Variants in DHRSX observed in about 807,000 individuals in gnomAD.
DHRSX encodes dehydrogenase/reductase X-linked.
DHRSX carries 31 observed loss-of-function variants against 34.0 expected under a neutral mutation model. The ratio of observed to expected loss-of-function variants is 0.91; its 90% CI spans 0.69 to 1.23. The LOEUF (loss-of-function observed/expected upper bound fraction) is 1.23, where lower values mean the gene tolerates loss of function less well. DHRSX is among the 50% of genes most tolerant of loss of function. The pLI, the probability that DHRSX is intolerant of heterozygous loss-of-function variation, is 0.00. For synonymous variants in DHRSX, 201 were observed against 183.8 expected (o/e 1.09, Z -0.76); for missense variants, 414 against 428.1 (o/e 0.97, Z 0.29).
chrX:2,421,376 T>A (rs1432560407), intron 2 of DHRSX, among the ~76,000 whole-genome samples: 1 of 152,122 alleles, frequency 6.6e-6, no homozygotes, highest in Non-Finnish European at 1.5e-5. Context: ...TGAGACGCTG[T>A]CTCAAAAATG....
chrX:2,231,791 TTC>T (rs928762552), intron 6 of DHRSX, among the ~76,000 whole-genome samples: 1 of 144,142 alleles, frequency 6.9e-6, no homozygotes, highest in African/African-American at 2.7e-5. Flanking sequence ...CCTCCTGTTT[TTC>T]TCTCTATCCC....
intron 3 of DHRSX, among the ~76,000 whole-genome samples, chrX:2,297,417 C>G (rs1245868460): frequency 6.6e-6 from 1 of 152,146 alleles, no homozygotes; most frequent in African/African-American, 2.4e-5. Flanking sequence ...GCCACCTTGC[C>G]TGGCCATCCT....
chrX:2,237,014 C>A (rs34756157), intron 6 of DHRSX, among the ~76,000 whole-genome samples: 122,669 of 151,538 alleles, frequency 0.81, 49,968 homozygotes, highest in East Asian at 0.95. Flanking sequence ...CATATCGAAA[C>A]CCCGTCTCTA....
chrX:2,367,263 T>C lies in DHRSX; in HGVS notation c.286+41482A>G, dbSNP rs1252075782. On this transcript the variant is annotated intron_variant, in intron 3 of 6. Coordinates refer to ENST00000334651, the MANE Select transcript of DHRSX (RefSeq NM_145177.3). ...GACCAGCCTGACCAACATGGTGAAATCCCGTCTCTACTAAAAATACAAAAA... is the reference window on the plus strand; with the variant it reads ...GACCAGCCTGACCAACATGGTGAAACCCCGTCTCTACTAAAAATACAAAAA... 7.9e-5 allele frequency among the ~76,000 whole-genome samples: 12 copies of C among 151,448 alleles called. No homozygotes were observed. In the South Asian group the frequency reaches 2.3e-3, roughly 29 times the overall value.
intron 1 of DHRSX, among the ~76,000 whole-genome samples, chrX:2,486,023 AG>A (rs1424307105): frequency 6.6e-6 from 1 of 151,502 alleles, no homozygotes; most frequent in Non-Finnish European, 1.5e-5. Flanking sequence ...TGAGGAAGAC[AG>A]GAAGAGAGGG....
chrX:2,377,950 G>A (rs1266501173), intron 3 of DHRSX, among the ~76,000 whole-genome samples: 5 of 152,156 alleles, frequency 3.3e-5, no homozygotes, highest in African/African-American at 1.2e-4. Flanking sequence ...ATGTTGGCCA[G>A]GATGGCCTCG....
intron 1 of DHRSX, among the ~76,000 whole-genome samples, chrX:2,442,041 A>G (rs1484122464): frequency 1.3e-5 from 2 of 152,162 alleles, no homozygotes; most frequent in Non-Finnish European, 2.9e-5. Context: ...GCCACTGTCA[A>G]TCAACATGTA....
chrX:2,459,867 GGAGGCT>G, intron 1 of DHRSX, among the ~76,000 whole-genome samples: 1 of 152,188 alleles, frequency 6.6e-6, no homozygotes, highest in African/African-American at 2.4e-5. Context: ...CAGCACTTTG[GGAGGCT>G]GAGGCAGGTG....
In DHRSX at chrX:2,442,769, G is replaced by A. The variant is rs776237101; in HGVS notation, c.110-17465C>T. On this transcript the variant is annotated intron_variant, in intron 1 of 6. Coordinates refer to ENST00000334651, the MANE Select transcript of DHRSX (RefSeq NM_145177.3). The stretch of plus-strand genomic sequence containing the variant: ...AAAAGTGTGACTTGTTAACTGCCAC[G>A]TAGAAGCTCTCAGGAATATTCCCTT... 2.6e-5 allele frequency among the ~76,000 whole-genome samples: 4 copies of A among 152,238 alleles called. No homozygotes were observed. The South Asian group carries it at 8.3e-4, about 32-fold the overall frequency.
At chrX:2,475,179 C>G (rs1425722380) in intron 1 of DHRSX, among the ~76,000 whole-genome samples, 1 of 151,766 alleles carries the variant, frequency 6.6e-6, no homozygotes, top group Non-Finnish European at 1.5e-5. Flanking sequence ...GGGACCTCCG[C>G]CATGTGCACA....
intron 1 of DHRSX, among the ~76,000 whole-genome samples, chrX:2,442,291 C>T (rs989742545): frequency 3.3e-5 from 5 of 150,206 alleles, no homozygotes; most frequent in African/African-American, 1.2e-4. Flanking sequence ...GGAGGAGGAA[C>T]AAAAAGGGTT....
chrX:2,408,770 T>G lies in DHRSX; in HGVS notation c.261A>C (p.Ile87=), dbSNP rs772125356. 6 of 1,613,118 alleles carry G rather than the reference T, an allele frequency of 3.7e-6. No individual in the cohort carries two copies. Among genetic ancestry groups the G allele is most frequent in the South Asian group, 3.3e-5 (3 of 90,840 alleles). ...CTTTGTCGTTCAAGGTTTCTTCTTT[T>G]ATTTTGCTTACAACTTGTTTGGCTT... ...DSKAKQVVSK[I]KEETLNDKVE... is the part of the protein sequence containing the mutation. The change falls in exon 3 of 7, where the codon ATA becomes ATC. Residue 87 remains isoleucine (I), a synonymous_variant. Coordinates refer to ENST00000334651, the MANE Select transcript of DHRSX (RefSeq NM_145177.3).
At chrX:2,243,786 C>CTGTTTTTTTT (rs1556430241) in intron 5 of DHRSX, among the ~76,000 whole-genome samples, 7 of 25,142 alleles carry the variant, frequency 2.8e-4, no homozygotes, top group East Asian at 1.7e-3. Context: ...ACTATGCTCC[C>CTGTTTTTTTT]TGTTTTTTTT....
chrX:2,298,814 C>T (rs945848103), intron 3 of DHRSX, among the ~76,000 whole-genome samples: 2 of 151,630 alleles, frequency 1.3e-5, no homozygotes, highest in African/African-American at 2.4e-5. Context: ...GGAGAAACCC[C>T]GTCTCTACTA....
chrX:2,265,129 G>A (rs1274449966), intron 5 of DHRSX, among the ~76,000 whole-genome samples: 19 of 133,698 alleles, frequency 1.4e-4, no homozygotes, highest in Admixed American at 1.0e-3. Context: ...CTCAGCAGAC[G>A]CAGGGAGCAC....
intron 3 of DHRSX, among the ~76,000 whole-genome samples, chrX:2,342,900 A>G (rs1411924271): frequency 6.6e-6 from 1 of 152,144 alleles, no homozygotes; most frequent in African/African-American, 2.4e-5. Context: ...TACGCACAGG[A>G]GATACAAAAT....
chrX:2,227,353 AAG>A (rs2015691465), intron 6 of DHRSX, among the ~76,000 whole-genome samples: 1 of 150,494 alleles, frequency 6.6e-6, no homozygotes, highest in African/African-American at 2.5e-5. Flanking sequence ...GAGAAAGAAA[AAG>A]AGGAAGAAGA....
intron 3 of DHRSX, among the ~76,000 whole-genome samples, chrX:2,314,469 A>AG (rs2042215350): frequency 5.1e-5 from 1 of 19,676 alleles, no homozygotes; most frequent in African/African-American, 2.4e-4. Context: ...AAGGAAGGGG[A>AG]GAAGGAAGGA....
At chrX:2,348,279 G>A (rs1480986581) in intron 3 of DHRSX, among the ~76,000 whole-genome samples, 3 of 152,192 alleles carry the variant, frequency 2.0e-5, no homozygotes, top group Non-Finnish European at 4.4e-5. Context: ...CCTCTGAGAA[G>A]AAAGTGATCA....
Sources: gnomAD v4.1 joint callset for allele counts (sites outside exome capture counted in the v4.1 genomes callset) on GRCh38, gnomAD v4.1.1 for gene constraint, MANE v1.5 for transcripts, NCBI Gene and HGNC (gene_info 2026-07-23, HGNC 2026-07-21) for gene names.